TMPRSS5: variants seen among roughly 807,000 people sequenced by gnomAD.
TMPRSS5 encodes the protein transmembrane protease serine 5.
In TMPRSS5, 45 loss-of-function variants were observed where a neutral mutation model predicts 59.7. The observed-to-expected ratio is 0.75, with a 90% CI of 0.59 to 0.97. The LOEUF is 0.97. Ranked by LOEUF, TMPRSS5 falls within the 50% of genes least tolerant of loss-of-function variation. The pLI is 0.00. For synonymous variants in TMPRSS5, 225 were observed against 232.0 expected, an observed-to-expected ratio of 0.97 and a Z score of 0.27; for missense variants, 585 against 596.7, an observed-to-expected ratio of 0.98 and a Z score of 0.20.
intron 1 of TMPRSS5, among the ~76,000 whole-genome samples, chr11:113,703,454 A>T (rs1953197753): frequency 6.6e-6 from 1 of 152,092 alleles, no homozygotes; most frequent in Non-Finnish European, 1.5e-5. Context: ...CTCAAATGAG[A>T]CTTTGGACTT....
Position 113,706,113 on chromosome 11 carries a change from C to A in TMPRSS5, c.3+109G>T. 3.7e-6 allele frequency: 5 copies of A among 1,342,576 alleles called. No homozygotes were observed. In the East Asian group the frequency reaches 1.3e-4, roughly 34 times the overall value. 83.2% of individuals were successfully genotyped at this position (1,342,576 alleles called of 1,614,324 possible). A position where few individuals can be genotyped will look rare whatever the true frequency, so the allele number is the denominator to read the frequency against. On this transcript the variant is annotated intron_variant, in intron 1 of 12. Coordinates refer to ENST00000299882, the MANE Select transcript of TMPRSS5 (RefSeq NM_030770.4). ...CTAGGATCCAGCCCCTGTACCAGAG[C>A]TGCCTCAGGAGGCTCTTTCCACCAG...
chr11:113,690,975 G>C (rs1477878733), intron 9 of TMPRSS5, 36 bp from the exon 10 acceptor site: 1 of 1,545,912 alleles, frequency 6.5e-7, no homozygotes, highest in African/African-American at 1.4e-5. Flanking sequence ...CCCCAGTCAG[G>C]CTTGGCTTCC....
chr11:113,694,665 G>A (rs1419044290), intron 7 of TMPRSS5, 25 bp from the exon 8 acceptor site: 1 of 1,523,098 alleles, frequency 6.6e-7, no homozygotes, highest in Non-Finnish European at 8.8e-7. Flanking sequence ...GGGTGAGATA[G>A]AAAGAGAGAG....
At chr11:113,690,011 C>T in intron 11 of TMPRSS5, 94 bp from the exon 12 acceptor site, 7 of 1,359,814 alleles carry the variant, frequency 5.1e-6, no homozygotes, top group Non-Finnish European at 6.9e-6. Context: ...AATCTCCTTA[C>T]TGGGCCCCGC....
chr11:113,705,440 C>G (rs1354754952), intron 1 of TMPRSS5, among the ~76,000 whole-genome samples: 2 of 152,178 alleles, frequency 1.3e-5, no homozygotes, highest in Non-Finnish European at 2.9e-5. Context: ...CCAGCCCCAC[C>G]TCCCTATTCC....
intron 5 of TMPRSS5, 39 bp downstream of exon 5, chr11:113,697,244 G>A: frequency 1.9e-6 from 3 of 1,588,602 alleles, no homozygotes; most frequent in South Asian, 1.1e-5. Context: ...CACCAGCCAG[G>A]CCTCCCCCTT....
intron 1 of TMPRSS5, among the ~76,000 whole-genome samples, chr11:113,701,977 C>T (rs191735896): frequency 1.7e-3 from 256 of 152,106 alleles, no homozygotes; most frequent in African/African-American, 5.5e-3. Context: ...AGTCAGGCCC[C>T]GGGGTGTGTT....
intron 6 of TMPRSS5, among the ~76,000 whole-genome samples, chr11:113,695,733 AC>A (rs1952910306): frequency 1.3e-5 from 2 of 152,296 alleles, no homozygotes; most frequent in Admixed American, 6.5e-5. Flanking sequence ...TAGTGTGTTT[AC>A]AGATGAGAAA....
Position 113,704,349 on chromosome 11 carries a change from C to T in TMPRSS5, c.3+1873G>A, listed in dbSNP as rs1048490525. Among the ~76,000 whole-genome samples the T allele has an allele frequency of 3.0e-4, 46 of 152,176 alleles. 1 individual carries two copies. Among genetic ancestry groups the T allele is most frequent in the Middle Eastern group, 3.2e-3 (1 of 316 alleles). ...CTTTCCAAGGAATAATCTCCCTCCT[C>T]GAGTATCTTGTCTCTCTCTGTTATT... On this transcript the variant is annotated intron_variant, in intron 1 of 12. Transcript: ENST00000299882.
chr11:113,693,741 T>G (rs1161542759), intron 8 of TMPRSS5: 1 of 153,924 alleles, frequency 6.5e-6, no homozygotes, highest in Non-Finnish European at 1.4e-5. Context: ...AAGTCATATT[T>G]ATTAAGCACC....
chr11:113,699,260 T>TCTCCCCCCC (rs1565263673), intron 3 of TMPRSS5, among the ~76,000 whole-genome samples: 2 of 35,956 alleles, frequency 5.6e-5, no homozygotes, highest in South Asian at 8.4e-4. Flanking sequence ...TCTCTCTCTC[T>TCTCCCCCCC]CTCTCTCTCT....
At position 113,694,532 on chromosome 11, in the gene TMPRSS5, C is replaced by T; in HGVS notation, c.731G>A (p.Gly244Glu). The T allele has an allele frequency of 6.4e-7, 1 of 1,562,214 alleles. No individual in the cohort carries two copies. The highest frequency in any genetic ancestry group is 1.9e-5 in the Admixed American group (1 of 53,000). ...CCAGCGTGGCGCTAGCACAGAGCCC[C>T]CACACGTGTGCCGGAAGCCCAGGGC... Reference protein sequence around the residue: ...SVALGFRHTCGGSVLAPRWVV... With the variant: ...SVALGFRHTCEGSVLAPRWVV... The change falls in exon 8 of 13, where the codon GGG becomes GAG. Residue 244 changes from glycine to glutamate, a missense_variant. Physicochemically the swap from Gly to Glu is moderately conservative, Grantham distance 98 (BLOSUM62 -2). Coordinates refer to ENST00000299882, the MANE Select transcript of TMPRSS5 (RefSeq NM_030770.4).
At chr11:113,703,791 A>G (rs1394850566) in intron 1 of TMPRSS5, among the ~76,000 whole-genome samples, 3 of 152,190 alleles carry the variant, frequency 2.0e-5, no homozygotes, top group Admixed American at 6.5e-5. Context: ...TCCTGCCAGC[A>G]TGTGAAGAAG....
At chr11:113,691,446 C>G (rs1233139045) in intron 9 of TMPRSS5, among the ~76,000 whole-genome samples, 1 of 152,212 alleles carries the variant, frequency 6.6e-6, no homozygotes, top group East Asian at 1.9e-4. Context: ...TGGTGCTGGT[C>G]TGTGCCTTTC....
chr11:113,698,534 G>T (rs1952991730), intron 4 of TMPRSS5, among the ~76,000 whole-genome samples: 1 of 152,040 alleles, frequency 6.6e-6, no homozygotes, highest in South Asian at 2.1e-4. Flanking sequence ...GTGGGGATGA[G>T]GTGGGCTGAT....
At chr11:113,699,258 T>TCTCTCTCTCC (rs1953038413) in intron 3 of TMPRSS5, among the ~76,000 whole-genome samples, 5 of 51,826 alleles carry the variant, frequency 9.6e-5, no homozygotes, top group African/African-American at 5.1e-4. Context: ...TCTCTCTCTC[T>TCTCTCTCTCC]CTCTCTCTCT....
At position 113,700,068 on chromosome 11, in the gene TMPRSS5, G is replaced by T; in HGVS notation, c.104C>A (p.Pro35His). ...FRAEPGDQQH[P>H]ISQAVCWRSM... ...CCCTATGGCCCAGTCTGGCCTACTG[G>T]GATGCTGCTGGTCTCCAGGCTCTGC... is the stretch of plus-strand genomic sequence containing the variant. Residue 35 changes from proline to histidine, a missense_variant and splice_region_variant, in exon 2 of 13, where the codon CCC becomes CAC. Coordinates refer to ENST00000299882, the MANE Select transcript of TMPRSS5 (RefSeq NM_030770.4). 6.4e-7 allele frequency: 1 copy of T among 1,562,594 alleles called. No individual in the cohort carries two copies. The highest frequency in any genetic ancestry group is 2.3e-5 in the East Asian group (1 of 42,576).
At chr11:113,699,908 G>A in intron 2 of TMPRSS5, 158 bp downstream of exon 2, 4 of 1,510,184 alleles carry the variant, frequency 2.6e-6, no homozygotes, top group South Asian at 2.6e-5. Flanking sequence ...TCCCTAAAGT[G>A]GGAAATGGGG....
intron 2 of TMPRSS5, 129 bp from the exon 3 acceptor site, chr11:113,699,822 G>A: frequency 7.3e-7 from 1 of 1,378,606 alleles, no homozygotes; most frequent in Non-Finnish European, 1.0e-6. Flanking sequence ...TGCCCCATCA[G>A]CCCAGATTAG....
Sources: allele counts gnomAD v4.1 joint callset (sites outside exome capture counted in the v4.1 genomes callset), GRCh38; gene constraint gnomAD v4.1.1; transcripts MANE v1.5; gene names NCBI Gene and HGNC (gene_info 2026-07-23, HGNC 2026-07-21).